SYNGR1: variants seen among roughly 807,000 people sequenced by gnomAD.
The protein encoded by SYNGR1 is synaptogyrin-1.
In SYNGR1, 14 loss-of-function variants were observed where a neutral mutation model predicts 26.1. The ratio of observed to expected loss-of-function variants is 0.54; its 90% confidence interval spans 0.35 to 0.84. SYNGR1 has a LOEUF of 0.84. SYNGR1 is among the 40% of genes least tolerant of loss of function. The probability of loss-of-function intolerance (pLI) is 0.01; values close to 1 mark genes in which losing one functional copy is unlikely to be tolerated. For synonymous variants in SYNGR1, 141 were observed against 150.1 expected (o/e 0.94, Z 0.44); for missense variants, 319 against 332.9 (o/e 0.96, Z 0.33).
chr22:39,373,557 AC>A, intron 1 of SYNGR1, among the ~76,000 whole-genome samples: 1 of 152,074 alleles, frequency 6.6e-6, no homozygotes, highest in Non-Finnish European at 1.5e-5. Context: ...ATCACGGTTC[AC>A]TACAACCTCC....
intron 1 of SYNGR1, among the ~76,000 whole-genome samples, chr22:39,372,946 G>A (rs1925097342): frequency 1.3e-5 from 2 of 152,192 alleles, no homozygotes; most frequent in Admixed American, 6.5e-5. Flanking sequence ...GAGCAACCAG[G>A]GAGTGGGGGA....
At chr22:39,351,324 G>T (rs1923896872) in intron 1 of SYNGR1, among the ~76,000 whole-genome samples, 1 of 152,210 alleles carries the variant, frequency 6.6e-6, no homozygotes, top group South Asian at 2.1e-4. Flanking sequence ...GATGGCTTGG[G>T]TATGTATCCC....
chr22:39,376,043 A>AC lies in SYNGR1; in HGVS notation c.338-3dup, dbSNP rs777896754. The AC allele has an allele frequency of 1.1e-4, 184 of 1,611,834 alleles. 3 individuals carry two copies. In the African/African-American group the frequency reaches 1.6e-3, roughly 14 times the overall value. On this transcript the variant is annotated splice_polypyrimidine_tract_variant and intron_variant, in intron 2 of 3. Coordinates refer to ENST00000328933, the MANE Select transcript of SYNGR1 (RefSeq NM_004711.5). ...ACTGCCTATTCTGCCCGGTCCTGGGACCCCCCAGCCTTCTGGGCTTTCCTC... is the reference window on the plus strand; with the variant it reads ...ACTGCCTATTCTGCCCGGTCCTGGGACCCCCCCAGCCTTCTGGGCTTTCCTC...
chr22:39,384,356 A>G lies in SYNGR1; in HGVS notation c.*2442A>G. The G allele has an allele frequency of 2.5e-6, 1 of 396,152 alleles. No homozygotes were observed. The highest frequency in any genetic ancestry group is 4.4e-5 in the Admixed American group (1 of 22,662). The allele number at this position is 396,152 out of a possible 1,614,324, so 24.5% of individuals were successfully genotyped here. On this transcript the variant is annotated 3_prime_UTR_variant, in exon 4 of 4. Transcript: ENST00000328933. ...CCCTGCCTGCCACCCTAGGCAGGGA[A>G]AGCTGTCAAGACTCCTGCCAGGAAT...
rs1287754718 is a variant in SYNGR1, at chr22:39,359,629, TCAAAAAA to T, written c.99+9521_99+9527del. 3.7e-3 allele frequency among the ~76,000 whole-genome samples: 91 copies of T among 24,410 alleles called. 1 individual carries two copies. The highest frequency in any genetic ancestry group is 0.023 in the African/African-American group (87 of 3,838). 16.0% of individuals were successfully genotyped at this position (24,410 alleles called of 152,430 possible). On this transcript the variant is annotated intron_variant, in intron 1 of 3. Coordinates refer to ENST00000328933, the MANE Select transcript of SYNGR1 (RefSeq NM_004711.5). Reference sequence around the variant, plus strand: ...CTGGGCAACAAAGTGAGACTCTGTCTCAAAAAAAAAAAAAAAAAAAAAAAAAAAAGAT... The same window carrying T: ...CTGGGCAACAAAGTGAGACTCTGTCTAAAAAAAAAAAAAAAAAAAAAAGAT...
Position 39,379,100 on chromosome 22 carries a change from T to G in SYNGR1, c.484-2596T>G, listed in dbSNP as rs575475020. 1.2e-3 allele frequency among the ~76,000 whole-genome samples: 190 copies of G among 152,228 alleles called. 1 individual carries two copies. The highest frequency in any genetic ancestry group is 4.5e-3 in the African/African-American group (188 of 41,544). On this transcript the variant is annotated intron_variant, in intron 3 of 3. Coordinates refer to ENST00000328933, the MANE Select transcript of SYNGR1 (RefSeq NM_004711.5). ...TCAGTTCCTGTGGGCTGGCCAGGGC[T>G]CAAGTGTACCCTCAGGGGGCTCTTC...
At chr22:39,367,465 A>G (rs1178363595) in intron 1 of SYNGR1, among the ~76,000 whole-genome samples, 1 of 152,142 alleles carries the variant, frequency 6.6e-6, no homozygotes, top group Non-Finnish European at 1.5e-5. Context: ...GAGTGGAAGG[A>G]GGTGAGACCC....
rs1172534618 is a variant in SYNGR1, at chr22:39,384,953, G to T, written c.*3039G>T. On this transcript the variant is annotated 3_prime_UTR_variant, in exon 4 of 4. Transcript: ENST00000328933. The stretch of plus-strand genomic sequence containing the variant: ...AGTCACAGACTGTCCTGCCTGCACG[G>T]CTCCTATCCACCTGGGGGTGTCGCA... 1 of 398,908 alleles carries T rather than the reference G, an allele frequency of 2.5e-6. No homozygotes were observed. The highest frequency in any genetic ancestry group is 4.4e-6 in the Non-Finnish European group (1 of 226,182). The allele number at this position is 398,908 out of a possible 1,614,324, so 24.7% of individuals were successfully genotyped here.
chr22:39,356,335 G>A (rs995035233), intron 1 of SYNGR1, among the ~76,000 whole-genome samples: 3 of 152,232 alleles, frequency 2.0e-5, no homozygotes, highest in Admixed American at 1.3e-4. Flanking sequence ...GATTACAGGT[G>A]TGAGCCATCT....
intron 1 of SYNGR1, among the ~76,000 whole-genome samples, chr22:39,352,229 C>T (rs1408853188): frequency 1.3e-5 from 2 of 152,232 alleles, no homozygotes; most frequent in Non-Finnish European, 1.5e-5. Flanking sequence ...AATGCTCAAA[C>T]GACCCCACAG....
At chr22:39,357,633 AGCCGGCC>A (rs1422991995) in intron 1 of SYNGR1, among the ~76,000 whole-genome samples, 21 of 71,334 alleles carry the variant, frequency 2.9e-4, no homozygotes, top group Non-Finnish European at 5.3e-4. Flanking sequence ...CCCTCGGAGC[AGCCGGCC>A]AGCCCTGCTG....
In SYNGR1 at chr22:39,374,345, C is replaced by T. The variant is rs762377335; in HGVS notation, c.129C>T (p.Ile43=). 10 of 1,613,884 alleles carry T rather than the reference C, an allele frequency of 6.2e-6. No individual in the cohort carries two copies. In the Admixed American group the frequency reaches 1.0e-4, roughly 16 times the overall value. ...TCTCCATAGTGGTGTTCGGCTCCATCGTGAACGAGGGCTACCTCAACAGCG... is the reference window on the plus strand; with the variant it reads ...TCTCCATAGTGGTGTTCGGCTCCATTGTGAACGAGGGCTACCTCAACAGCG... The part of the protein sequence containing the change: ...WLFSIVVFGS[I]VNEGYLNSAS... Residue 43 remains isoleucine (I), a synonymous_variant, in exon 2 of 4, where the codon ATC becomes ATT. Transcript: ENST00000328933.
chr22:39,361,460 C>T (rs920337382), intron 1 of SYNGR1, among the ~76,000 whole-genome samples: 3 of 151,196 alleles, frequency 2.0e-5, no homozygotes, highest in African/African-American at 4.9e-5. Context: ...CGGGGTCAAC[C>T]GATTCTCCTG....
intron 1 of SYNGR1, among the ~76,000 whole-genome samples, chr22:39,365,581 T>C (rs991691430): frequency 3.9e-5 from 6 of 151,972 alleles, no homozygotes; most frequent in Non-Finnish European, 5.9e-5. Context: ...CCACTCAGGG[T>C]GGGGTACAGC....
At chr22:39,372,761 G>C (rs940092731) in intron 1 of SYNGR1, among the ~76,000 whole-genome samples, 5 of 152,036 alleles carry the variant, frequency 3.3e-5, no homozygotes, top group Non-Finnish European at 5.9e-5. Context: ...GAGCCACTGT[G>C]CCTGGCCTGG....
chr22:39,353,643 G>C (rs992670294), intron 1 of SYNGR1, among the ~76,000 whole-genome samples: 2 of 152,226 alleles, frequency 1.3e-5, no homozygotes, highest in African/African-American at 4.8e-5. Context: ...AACTGGGCTG[G>C]GCTGGGTCAG....
intron 1 of SYNGR1, among the ~76,000 whole-genome samples, chr22:39,367,840 A>AC (rs1924836957): frequency 6.6e-6 from 1 of 151,592 alleles, no homozygotes; most frequent in Non-Finnish European, 1.5e-5. Flanking sequence ...AAAAAAAAAA[A>AC]AACAAAGTCC....
Position 39,384,968 on chromosome 22 carries a change from G to C in SYNGR1, c.*3054G>C, listed in dbSNP as rs762833550. 2.5e-5 allele frequency: 10 copies of C among 398,698 alleles called. No individual in the cohort carries two copies. Among genetic ancestry groups the C allele is most frequent in the Non-Finnish European group, 4.0e-5 (9 of 226,148 alleles). The allele number at this position is 398,698 out of a possible 1,614,324, so 24.7% of individuals were successfully genotyped here. On this transcript the variant is annotated 3_prime_UTR_variant, in exon 4 of 4. Coordinates refer to ENST00000328933, the MANE Select transcript of SYNGR1 (RefSeq NM_004711.5). ...TGCCTGCACGGCTCCTATCCACCTG[G>C]GGGTGTCGCAGTTGAGGGGCTAATT...
At chr22:39,374,249 C>T (rs1925160886) in intron 1 of SYNGR1, 67 bp from the exon 2 acceptor site, 2 of 1,517,076 alleles carry the variant, frequency 1.3e-6, no homozygotes, top group South Asian at 1.1e-5. Context: ...GTGGCAGCCT[C>T]CCCGTCCCCT....
Sources: allele counts gnomAD v4.1 joint callset (sites outside exome capture counted in the v4.1 genomes callset), GRCh38; gene constraint gnomAD v4.1.1; transcripts MANE v1.5; gene names NCBI Gene and HGNC (gene_info 2026-07-23, HGNC 2026-07-21).